The following CFAP20DC variants were observed in gnomAD, a reference collection of about 807,000 sequenced individuals.
CFAP20DC encodes protein CFAP20DC.
Under a neutral mutation model 101.7 loss-of-function variants are expected in CFAP20DC, and 84 were observed. That is an observed-to-expected ratio of 0.83 (90% CI 0.69 to 0.99). The LOEUF is 0.99. Ranked by LOEUF, CFAP20DC falls within the 50% of genes least tolerant of loss-of-function variation. CFAP20DC has a pLI of 0.00. For synonymous variants in CFAP20DC, 359 were observed against 351.2 expected, an observed-to-expected ratio of 1.02 and a Z score of -0.25; for missense variants, 1,007 against 970.3, an observed-to-expected ratio of 1.04 and a Z score of -0.50.
rs189488888 is a variant in CFAP20DC at position 58,903,771 on chromosome 3, G to A, written c.550+9937C>T. On this transcript the variant is annotated intron_variant, in intron 6 of 16. Coordinates refer to ENST00000482387, the MANE Select transcript of CFAP20DC (RefSeq NM_001394063.1). ...TCCCACCACAACACATGGGGATTAC[G>A]AGAACTACAACTCAAGATGAGATTT... is the stretch of plus-strand genomic sequence containing the variant. Among the ~76,000 whole-genome samples the A allele has an allele frequency of 5.9e-4, 90 of 152,252 alleles. 1 individual carries two copies. The highest frequency in any genetic ancestry group is 2.0e-3 in the African/African-American group (82 of 41,554).
At chr3:59,037,297 A>G (rs1298584263) in intron 4 of CFAP20DC, among the ~76,000 whole-genome samples, 1 of 152,130 alleles carries the variant, frequency 6.6e-6, no homozygotes, top group Non-Finnish European at 1.5e-5. Flanking sequence ...TAATTAAACT[A>G]AAGAGCTTCT....
At chr3:58,836,321 A>G (rs1252785063) in intron 13 of CFAP20DC, among the ~76,000 whole-genome samples, 1 of 152,216 alleles carries the variant, frequency 6.6e-6, no homozygotes, top group Non-Finnish European at 1.5e-5. Context: ...TAACTCCAGC[A>G]AAAACATAAA....
chr3:58,839,532 A>C (rs1017849174), intron 13 of CFAP20DC, among the ~76,000 whole-genome samples: 1 of 152,352 alleles, frequency 6.6e-6, no homozygotes, highest in East Asian at 1.9e-4. Flanking sequence ...CACTCAGCTT[A>C]GTACCTTTTC....
chr3:58,866,593 G>C lies in CFAP20DC; in HGVS notation c.1231C>G (p.Leu411Val), dbSNP rs750667762. Residue 411 changes from leucine to valine, a missense_variant, in exon 11 of 17, where the codon CTA becomes GTA. Physicochemically the swap from Leu to Val is conservative, Grantham distance 32 (BLOSUM62 1). Transcript: ENST00000482387. ...GATTGATCAGGAGACTGGGGTCCTA[G>C]AGTGCCGGAGTTCAACAGCTCTGCT... is the stretch of plus-strand genomic sequence containing the variant. ...QGAELLNSGT[L>V]GPQSPDQSDE... 6.2e-7 allele frequency: 1 copy of C among 1,612,670 alleles called. No homozygotes were observed. Among genetic ancestry groups the C allele is most frequent in the East Asian group, 2.2e-5 (1 of 44,810 alleles).
intron 15 of CFAP20DC, among the ~76,000 whole-genome samples, chr3:58,787,842 A>G (rs2072500752): frequency 6.6e-6 from 1 of 152,148 alleles, no homozygotes; most frequent in South Asian, 2.1e-4. Context: ...TTGCAGGGAC[A>G]TGGATGAAGC....
In CFAP20DC at chr3:58,884,700, C is replaced by T. The variant is rs762874663; in HGVS notation, c.560G>A (p.Gly187Asp). The change falls in exon 7 of 17, where the codon GGT becomes GAT. Residue 187 changes from glycine to aspartate, a missense_variant. Transcript: ENST00000482387. The stretch of plus-strand genomic sequence containing the variant: ...AGGCTCATCTGTTGAAAAGGGAACA[C>T]CATAGACAGCTGGAAATAAAGACAA... ...QDTADKDAVYGVPFSTDEPTD... is the reference protein window; with the variant it reads ...QDTADKDAVYDVPFSTDEPTD... 6 of 1,603,388 alleles carry T rather than the reference C, an allele frequency of 3.7e-6. No individual in the cohort carries two copies. Among genetic ancestry groups the T allele is most frequent in the East Asian group, 2.2e-5 (1 of 44,586 alleles).
chr3:58,784,919 C>G (rs2072182255), intron 15 of CFAP20DC, among the ~76,000 whole-genome samples: 1 of 152,012 alleles, frequency 6.6e-6, no homozygotes, highest in African/African-American at 2.4e-5. Context: ...TCCAGCAATC[C>G]CACGACTGGG....
chr3:58,964,614 G>A lies in CFAP20DC; in HGVS notation c.279-26852C>T, dbSNP rs1576509244. On this transcript the variant is annotated intron_variant, in intron 4 of 16. Transcript: ENST00000482387. This position sits in a 1 kb window ranked among gnomAD's most constrained non-coding sequence, Gnocchi z 4.1. ...TCTCTTTTCTAGACTTATAAATGCT[G>A]TGATTTTTAAGTTAACACCTACCAC... 6.6e-6 allele frequency among the ~76,000 whole-genome samples: 1 copy of A among 152,250 alleles called. No individual in the cohort carries two copies. The highest frequency in any genetic ancestry group is 6.5e-5 in the Admixed American group (1 of 15,282).
Position 58,793,424 on chromosome 3 carries a change from T to C in CFAP20DC, c.2237+12971A>G, listed in dbSNP as rs145291624. ...TGTTTTTGTTTGCTTCCATTTCTTCTGTTATTCCAGCAAAAGAAACTAAAA... is the reference window on the plus strand; with the variant it reads ...TGTTTTTGTTTGCTTCCATTTCTTCCGTTATTCCAGCAAAAGAAACTAAAA... On this transcript the variant is annotated intron_variant, in intron 15 of 16. Transcript: ENST00000482387. 4.6e-3 allele frequency among the ~76,000 whole-genome samples: 707 copies of C among 152,312 alleles called. 5 individuals are homozygous for C. The highest frequency in any genetic ancestry group is 0.017 in the African/African-American group (691 of 41,584).
intron 6 of CFAP20DC, among the ~76,000 whole-genome samples, chr3:58,896,602 C>A (rs1302780182): frequency 6.6e-6 from 1 of 152,106 alleles, no homozygotes; most frequent in Admixed American, 6.5e-5. Flanking sequence ...TCATTAGTTT[C>A]AAAAAACTTC....
intron 13 of CFAP20DC, among the ~76,000 whole-genome samples, chr3:58,843,184 A>C (rs549130135): frequency 8.2e-4 from 125 of 152,338 alleles, no homozygotes; most frequent in Middle Eastern, 3.4e-3. Flanking sequence ...ATGAGCTGAG[A>C]GAAGAAGGCT....
In CFAP20DC at chr3:58,912,734, CTGAGT is replaced by C. The variant is rs1226189980; in HGVS notation, c.550+969_550+973del. 6 of 456,326 alleles carry C rather than the reference CTGAGT, an allele frequency of 1.3e-5. No individual in the cohort carries two copies. In the Admixed American group the frequency reaches 1.4e-4, roughly 11 times the overall value. The allele number at this position is 456,326 out of a possible 1,614,324, so 28.3% of individuals were successfully genotyped here. ...GTGCTACCTTATGAATTCCAGGGAG[CTGAGT>C]TACCTGCAGAGTATATTTATAAATC... On this transcript the variant is annotated intron_variant, in intron 6 of 16. Coordinates refer to ENST00000482387, the MANE Select transcript of CFAP20DC (RefSeq NM_001394063.1). The surrounding 1 kb of genome is among the most constrained non-coding windows in gnomAD (Gnocchi z 4.4).
At position 59,039,547 on chromosome 3, in the gene CFAP20DC, T is replaced by C. The variant is rs1438188613; in HGVS notation, c.278+10A>G. ...ACACAAAACATTCAAAGAAGTTCTG[T>C]ATATCTTACAGCAATTCAGTGGAGA... On this transcript the variant is annotated intron_variant, in intron 4 of 16. Transcript: ENST00000482387. 8 of 1,478,778 alleles carry C rather than the reference T, an allele frequency of 5.4e-6. No individual in the cohort carries two copies. Among genetic ancestry groups the C allele is most frequent in the Non-Finnish European group, 7.3e-6 (8 of 1,097,962 alleles). The allele number at this position is 1,478,778 out of a possible 1,614,324, so 91.6% of individuals were successfully genotyped here.
chr3:59,021,912 G>A (rs1457069238), intron 4 of CFAP20DC, among the ~76,000 whole-genome samples: 26 of 152,040 alleles, frequency 1.7e-4, no homozygotes, highest in Non-Finnish European at 2.9e-5. Flanking sequence ...TGTTCTTCGA[G>A]TACATATCTT....
In CFAP20DC at chr3:59,014,855, C is replaced by T. The variant is rs144622312; in HGVS notation, c.278+24702G>A. On this transcript the variant is annotated intron_variant, in intron 4 of 16. Coordinates refer to ENST00000482387, the MANE Select transcript of CFAP20DC (RefSeq NM_001394063.1). This position sits in a 1 kb window ranked among gnomAD's most constrained non-coding sequence, Gnocchi z 4.9. Reference sequence around the variant, plus strand: ...TATGCTTGACTGGTTTGTGAGGCTCCGTGGTGAGCATCTCCTCCCAGCTCC... The same window carrying T: ...TATGCTTGACTGGTTTGTGAGGCTCTGTGGTGAGCATCTCCTCCCAGCTCC... Among the ~76,000 whole-genome samples the T allele has an allele frequency of 3.2e-4, 48 of 152,124 alleles. No homozygotes were observed. Among genetic ancestry groups the T allele is most frequent in the Non-Finnish European group, 5.0e-4 (34 of 67,984 alleles).
rs529958256 is a variant in CFAP20DC at position 58,952,927 on chromosome 3, T to C, written c.279-15165A>G. Among the ~76,000 whole-genome samples, 6 of 152,256 alleles carry C rather than the reference T, an allele frequency of 3.9e-5. 1 individual carries two copies. In the East Asian group the frequency reaches 1.2e-3, roughly 29 times the overall value. On this transcript the variant is annotated intron_variant, in intron 4 of 16. Coordinates refer to ENST00000482387, the MANE Select transcript of CFAP20DC (RefSeq NM_001394063.1). ...TGCTCTCAAGTCTGGACGTAGATACTGGGGATTTCACAGTGAAAAAAACAA... is the reference window on the plus strand; with the variant it reads ...TGCTCTCAAGTCTGGACGTAGATACCGGGGATTTCACAGTGAAAAAAACAA...
At chr3:58,800,657 G>C (rs1424995934) in intron 15 of CFAP20DC, among the ~76,000 whole-genome samples, 1 of 152,124 alleles carries the variant, frequency 6.6e-6, no homozygotes, top group Non-Finnish European at 1.5e-5. Flanking sequence ...TAATTATTAT[G>C]TCTTAAAGAC....
chr3:58,833,664 G>A (rs928395529), intron 13 of CFAP20DC, among the ~76,000 whole-genome samples: 46 of 152,262 alleles, frequency 3.0e-4, no homozygotes, highest in Middle Eastern at 3.4e-3. Context: ...CAGTTTGGCA[G>A]TTCCTCAAAA....
chr3:58,943,013 C>T (rs1403540727), intron 4 of CFAP20DC, among the ~76,000 whole-genome samples: 1 of 152,242 alleles, frequency 6.6e-6, no homozygotes, highest in Non-Finnish European at 1.5e-5. Flanking sequence ...TGTAGCCAGA[C>T]TGCTTCTCTA....
Sources: gnomAD v4.1 joint callset for allele counts (sites outside exome capture counted in the v4.1 genomes callset) on GRCh38, gnomAD v4.1.1 for gene constraint, Gnocchi (gnomAD v3.1) non-coding constraint, MANE v1.5 for transcripts, NCBI Gene and HGNC (gene_info 2026-07-23, HGNC 2026-07-21) for gene names.